IMMP2L: variants seen among roughly 807,000 people sequenced by gnomAD.
IMMP2L encodes inner mitochondrial membrane peptidase subunit 2.
Under a neutral mutation model 19.3 loss-of-function variants are expected in IMMP2L, and 18 were observed. The observed-to-expected ratio is 0.93, with a 90% confidence interval of 0.64 to 1.38. The LOEUF (loss-of-function observed/expected upper bound fraction) is 1.38. Ranked by LOEUF, IMMP2L falls within the 40% of genes most tolerant of loss-of-function variation. The probability of loss-of-function intolerance (pLI) is 0.00; values close to 1 mark genes in which losing one functional copy is unlikely to be tolerated. For synonymous variants in IMMP2L, 76 were observed against 73.0 expected (o/e 1.04, Z -0.21); for missense variants, 233 against 218.2 (o/e 1.07, Z -0.43).
chr7:110,706,614 G>C (rs552491886), intron 5 of IMMP2L, among the ~76,000 whole-genome samples: 219 of 152,258 alleles, frequency 1.4e-3, no homozygotes, highest in African/African-American at 5.1e-3. Flanking sequence ...TGGTGATGCT[G>C]AGCATTTTTT....
chr7:111,048,030 A>C (rs1055336945), intron 3 of IMMP2L, among the ~76,000 whole-genome samples: 2 of 151,820 alleles, frequency 1.3e-5, no homozygotes, highest in African/African-American at 4.8e-5. Context: ...ACAAGGTCAG[A>C]AGATTGAGAC....
chr7:111,064,599 G>A (rs1794320276), intron 3 of IMMP2L, among the ~76,000 whole-genome samples: 1 of 152,044 alleles, frequency 6.6e-6, no homozygotes, highest in Non-Finnish European at 1.5e-5. Context: ...CAAAATTTTT[G>A]CTTCCTGTTC....
At chr7:110,885,827 G>GA (rs1000558390) in intron 5 of IMMP2L, among the ~76,000 whole-genome samples, 14 of 150,560 alleles carry the variant, frequency 9.3e-5, no homozygotes, top group South Asian at 4.2e-4. Flanking sequence ...GTACCAGGAG[G>GA]AAAAAAAAAC....
chr7:110,880,016 C>T (rs1809482864), intron 5 of IMMP2L, among the ~76,000 whole-genome samples: 1 of 152,030 alleles, frequency 6.6e-6, no homozygotes, highest in Non-Finnish European at 1.5e-5. Flanking sequence ...AGTCATATTA[C>T]AAAAATAACT....
chr7:111,472,132 T>C (rs991334646), intron 3 of IMMP2L, among the ~76,000 whole-genome samples: 3 of 152,182 alleles, frequency 2.0e-5, no homozygotes, highest in African/African-American at 4.8e-5. Flanking sequence ...ATTTAACTAA[T>C]ATTGTTAACG....
chr7:110,853,673 T>A (rs1220329566), intron 5 of IMMP2L, among the ~76,000 whole-genome samples: 1 of 152,030 alleles, frequency 6.6e-6, no homozygotes, highest in Admixed American at 6.6e-5. Context: ...TGACTATAAT[T>A]TTTCTATTTT....
At chr7:111,422,137 T>C (rs1489087306) in intron 3 of IMMP2L, among the ~76,000 whole-genome samples, 3 of 151,828 alleles carry the variant, frequency 2.0e-5, no homozygotes, top group African/African-American at 7.3e-5. Flanking sequence ...CATTGTAGTC[T>C]AGTTTGAAAT....
At chr7:111,156,236 ATAGGAGATGCT>A (rs2129604569) in intron 3 of IMMP2L, among the ~76,000 whole-genome samples, 1 of 152,186 alleles carries the variant, frequency 6.6e-6, no homozygotes, top group East Asian at 1.9e-4. Context: ...TAGGTGGGTC[ATAGGAGATGCT>A]TAAGTTCAGC....
intron 3 of IMMP2L, among the ~76,000 whole-genome samples, chr7:111,211,822 T>A (rs1291206151): frequency 6.6e-6 from 1 of 151,668 alleles, no homozygotes; most frequent in Non-Finnish European, 1.5e-5. Flanking sequence ...TGAAACCCCG[T>A]CTCTACTAAA....
intron 5 of IMMP2L, among the ~76,000 whole-genome samples, chr7:110,821,935 A>T (rs1041864623): frequency 1.1e-4 from 16 of 152,056 alleles, no homozygotes; most frequent in African/African-American, 3.6e-4. Context: ...AAAAAAGGTA[A>T]AATTCACTAG....
At chr7:111,259,403 G>A (rs539709907) in intron 3 of IMMP2L, among the ~76,000 whole-genome samples, 1 of 152,262 alleles carries the variant, frequency 6.6e-6, no homozygotes, top group African/African-American at 2.4e-5. Context: ...GGGAAGCCAA[G>A]GCAAGAGGAT....
At chr7:110,828,867 T>G (rs2131373129) in intron 5 of IMMP2L, among the ~76,000 whole-genome samples, 1 of 152,256 alleles carries the variant, frequency 6.6e-6, no homozygotes, top group Admixed American at 6.5e-5. Context: ...ACCAAACAAA[T>G]ATTAGAACAT....
chr7:111,436,068 A>G (rs1423351533), intron 3 of IMMP2L, among the ~76,000 whole-genome samples: 1 of 151,800 alleles, frequency 6.6e-6, no homozygotes, highest in African/African-American at 2.4e-5. Flanking sequence ...AGATGGCACT[A>G]TGTTTGAGAG....
chr7:111,122,429 T>C, intron 3 of IMMP2L: 1 of 192,006 alleles, frequency 5.2e-6, no homozygotes, highest in Non-Finnish European at 1.1e-5. Flanking sequence ...ATGCTGCTAT[T>C]CCTGCAAATA....
intron 5 of IMMP2L, among the ~76,000 whole-genome samples, chr7:110,765,896 C>G (rs1374158102): frequency 6.6e-6 from 1 of 152,018 alleles, no homozygotes; most frequent in Non-Finnish European, 1.5e-5. Context: ...TTTGCTAGTG[C>G]TGTAGTTACA....
At chr7:110,700,066 C>G (rs976575187) in intron 5 of IMMP2L, among the ~76,000 whole-genome samples, 1 of 152,154 alleles carries the variant, frequency 6.6e-6, no homozygotes, top group Non-Finnish European at 1.5e-5. Context: ...ACAACACAGC[C>G]CAGTTGACAC....
chr7:111,142,883 G>A (rs892725517), intron 3 of IMMP2L, among the ~76,000 whole-genome samples: 3 of 152,048 alleles, frequency 2.0e-5, no homozygotes, highest in African/African-American at 7.2e-5. Context: ...TCATCATTCT[G>A]ATTTTATTTT....
intron 3 of IMMP2L, among the ~76,000 whole-genome samples, chr7:111,334,954 T>C (rs1353068162): frequency 6.6e-6 from 1 of 152,080 alleles, no homozygotes; most frequent in African/African-American, 2.4e-5. Flanking sequence ...TCTTGAGGCA[T>C]ATCACTCTTA....
chr7:111,145,436 T>C (rs779136927), intron 3 of IMMP2L, among the ~76,000 whole-genome samples: 4 of 152,076 alleles, frequency 2.6e-5, no homozygotes, highest in Non-Finnish European at 5.9e-5. Flanking sequence ...ACTGGCTCTA[T>C]TAGGAAGAAT....
Sources: allele counts gnomAD v4.1 joint callset (sites outside exome capture counted in the v4.1 genomes callset), GRCh38; gene constraint gnomAD v4.1.1; transcripts MANE v1.5; gene names NCBI Gene and HGNC (gene_info 2026-07-23, HGNC 2026-07-21).